Variants in CCDC171 observed in about 807,000 individuals in gnomAD.
The protein encoded by CCDC171 is coiled-coil domain-containing protein 171.
CCDC171 carries 177 observed loss-of-function variants against 168.2 expected under a neutral mutation model. That is an observed-to-expected ratio of 1.05 (90% CI 0.93 to 1.19). The LOEUF is 1.19. Among genes scored for constraint, CCDC171 ranks in the 50% most tolerant of loss-of-function variants. CCDC171 has a pLI of 0.00. For missense variants in CCDC171, 1,991 were observed against 1,539.0 expected (o/e 1.29, Z -4.91); for synonymous variants, 687 against 540.8 (o/e 1.27, Z -3.75).
rs955185932 is a variant in CCDC171 at position 15,578,868 on chromosome 9, A to G, written c.197A>G (p.Gln66Arg). 1.2e-6 allele frequency: 2 copies of G among 1,613,370 alleles called. No individual in the cohort carries two copies. Among genetic ancestry groups the G allele is most frequent in the Non-Finnish European group, 1.7e-6 (2 of 1,179,728 alleles). The change falls in exon 4 of 26, where the codon CAG becomes CGG. Residue 66 changes from glutamine to arginine, a missense_variant. Gln to Arg is a conservative substitution (Grantham distance 43). Coordinates refer to ENST00000380701, the MANE Select transcript of CCDC171 (RefSeq NM_173550.4). ...HNAELASYES[Q>R]IAKLRSEVEK... is the part of the protein sequence containing the mutation. ...TTTTAGCTGGCAAGCTATGAGAGCCAGATTGCCAAGCTACGGTCCGAGGTT... is the reference window on the plus strand; with the variant it reads ...TTTTAGCTGGCAAGCTATGAGAGCCGGATTGCCAAGCTACGGTCCGAGGTT...
At chr9:15,718,866 CTAA>C (rs1005830644) in intron 11 of CCDC171, among the ~76,000 whole-genome samples, 2 of 152,158 alleles carry the variant, frequency 1.3e-5, no homozygotes, top group African/African-American at 2.4e-5. Flanking sequence ...AGGACAGGTA[CTAA>C]TAAGTCCAGA....
In CCDC171 at chr9:15,874,516, G is replaced by T; in HGVS notation, c.3469-16G>T. 1 of 1,581,264 alleles carries T rather than the reference G, an allele frequency of 6.3e-7. No individual in the cohort carries two copies. The highest frequency in any genetic ancestry group is 1.2e-5 in the South Asian group (1 of 85,366). ...CTGAAGGGGAATTACCATTGATGCT[G>T]TTTTTTTCCCTTTAGGTCAGAGATC... is the stretch of plus-strand genomic sequence containing the variant. On this transcript the variant is annotated splice_polypyrimidine_tract_variant and intron_variant, in intron 23 of 25. Transcript: ENST00000380701.
intron 21 of CCDC171, among the ~76,000 whole-genome samples, chr9:15,801,047 T>C (rs1292777538): frequency 2.6e-5 from 4 of 152,140 alleles, no homozygotes; most frequent in Admixed American, 6.6e-5. Context: ...GGTAATAGGA[T>C]TCCTCCAGTT....
intron 11 of CCDC171, among the ~76,000 whole-genome samples, chr9:15,710,780 A>G (rs1392807303): frequency 1.3e-5 from 2 of 151,478 alleles, no homozygotes; most frequent in Non-Finnish European, 1.5e-5. Context: ...ATTATTTAGT[A>G]GAGATGGGGT....
chr9:15,774,246 TAAAAAAAAAAAAAAA>T (rs56239417), intron 18 of CCDC171, among the ~76,000 whole-genome samples: 2 of 37,986 alleles, frequency 5.3e-5, no homozygotes, highest in African/African-American at 1.9e-4. Flanking sequence ...ACGCTGTCTT[TAAAAAAAAAAAAAAA>T]AAAAAAAAAA....
At chr9:16,087,601 T>G in the CCDC171 span, among the ~76,000 whole-genome samples, 4 of 136,286 alleles carry the variant, frequency 2.9e-5, no homozygotes, top group Non-Finnish European at 6.2e-5. Context: ...GCTTGGTAAA[T>G]CTTCCTCCAT....
At position 15,632,938 on chromosome 9, in the gene CCDC171, A is replaced by G. The variant is rs140484667; in HGVS notation, c.822+9525A>G. Reference sequence around the variant, plus strand: ...CAACGCGGAAAGGATTCCCTGTTTAATAAATGGTGCTGGGAAAACTGGCTA... The same window carrying G: ...CAACGCGGAAAGGATTCCCTGTTTAGTAAATGGTGCTGGGAAAACTGGCTA... On this transcript the variant is annotated intron_variant, in intron 7 of 25. Transcript: ENST00000380701. 6.1e-3 allele frequency among the ~76,000 whole-genome samples: 928 copies of G among 152,382 alleles called. 7 individuals carry two copies. Among genetic ancestry groups the G allele is most frequent in the African/African-American group, 0.022 (903 of 41,590 alleles).
At chr9:15,738,450 G>A (rs1256664181) in intron 16 of CCDC171, among the ~76,000 whole-genome samples, 1 of 152,030 alleles carries the variant, frequency 6.6e-6, no homozygotes, top group African/African-American at 2.4e-5. Context: ...TTTTCTTCAT[G>A]ATCGGAATGT....
the CCDC171 span, among the ~76,000 whole-genome samples, chr9:16,105,098 C>A: frequency 6.6e-6 from 1 of 152,222 alleles, no homozygotes; most frequent in East Asian, 1.9e-4. Flanking sequence ...GACTAAAATT[C>A]TTTTAGCAGA....
intron 10 of CCDC171, among the ~76,000 whole-genome samples, chr9:15,680,340 T>G (rs2049956718): frequency 6.6e-6 from 1 of 152,240 alleles, no homozygotes; most frequent in African/African-American, 2.4e-5. Context: ...ACATACATAC[T>G]TTCCTCAGAG....
chr9:15,996,896 C>T (rs1832391529), intron 3 of CCDC171, among the ~76,000 whole-genome samples: 1 of 152,044 alleles, frequency 6.6e-6, no homozygotes, highest in Admixed American at 6.6e-5. Flanking sequence ...AGAACAGATA[C>T]ATCATGCATT....
At chr9:15,949,024 T>G (rs1295622313) in intron 25 of CCDC171, among the ~76,000 whole-genome samples, 1 of 152,162 alleles carries the variant, frequency 6.6e-6, no homozygotes, top group East Asian at 1.9e-4. Flanking sequence ...GGGATCCAGT[T>G]TCAGCTTTCT....
chr9:16,064,175 C>A (rs1399968613), downstream of CCDC171, among the ~76,000 whole-genome samples: 3 of 152,278 alleles, frequency 2.0e-5, no homozygotes, highest in East Asian at 5.8e-4. Flanking sequence ...CAGCTCTTTT[C>A]CTGAAAGGAT....
At chr9:15,794,889 G>C (rs892488829) in intron 21 of CCDC171, among the ~76,000 whole-genome samples, 3 of 152,138 alleles carry the variant, frequency 2.0e-5, no homozygotes, top group African/African-American at 7.2e-5. Flanking sequence ...GGGACTTTTA[G>C]ATCTGTAGTC....
At chr9:15,832,149 AT>A (rs1288366788) in intron 21 of CCDC171, among the ~76,000 whole-genome samples, 3 of 152,122 alleles carry the variant, frequency 2.0e-5, no homozygotes, top group African/African-American at 7.2e-5. Context: ...AAAGAATTTT[AT>A]TTTTTAAACT....
chr9:16,107,257 C>G, the CCDC171 span, among the ~76,000 whole-genome samples: 3 of 152,114 alleles, frequency 2.0e-5, no homozygotes, highest in Non-Finnish European at 4.4e-5. Context: ...TCAAGCGATT[C>G]TCCCACCTTA....
chr9:15,606,176 A>G (rs2043213658), intron 6 of CCDC171, among the ~76,000 whole-genome samples: 1 of 152,164 alleles, frequency 6.6e-6, no homozygotes, highest in African/African-American at 2.4e-5. Flanking sequence ...TTATTTTTGG[A>G]CCTAGGTTGA....
rs150032103 is a variant in CCDC171, at chr9:16,034,345, A to G, written n.999-1112A>G. Among the ~76,000 whole-genome samples, 268 of 152,218 alleles carry G rather than the reference A, an allele frequency of 1.8e-3. 2 individuals are homozygous for G. The highest frequency in any genetic ancestry group is 6.0e-3 in the African/African-American group (250 of 41,470). On this transcript the variant is annotated intron_variant and non_coding_transcript_variant, in intron 6 of 9. Transcript: ENST00000486641. ...GGCCACCTAATTTGACACACATTTG[A>G]CACACACATTTGACACATTCTGCAC...
intron 9 of CCDC171, among the ~76,000 whole-genome samples, chr9:15,677,905 T>C (rs1470460186): frequency 1.7e-4 from 4 of 23,220 alleles, no homozygotes; most frequent in African/African-American, 8.1e-4. Context: ...TATATATATA[T>C]ATATATATAT....
Sources: allele counts gnomAD v4.1 joint callset (sites outside exome capture counted in the v4.1 genomes callset), GRCh38; gene constraint gnomAD v4.1.1; transcripts MANE v1.5; gene names NCBI Gene and HGNC (gene_info 2026-07-23, HGNC 2026-07-21).